DFFB: variants seen among roughly 807,000 people sequenced by gnomAD.
DFFB encodes DNA fragmentation factor 40 kDa subunit.
A neutral mutation model predicts 32.7 loss-of-function variants in DFFB; 29 were observed. The ratio of observed to expected loss-of-function variants is 0.89; its 90% CI spans 0.66 to 1.21. DFFB has a LOEUF of 1.21. Ranked by LOEUF, DFFB falls within the 50% of genes most tolerant of loss-of-function variation. The pLI is 0.00. For synonymous variants in DFFB, 170 were observed against 177.1 expected (o/e 0.96, Z 0.32); for missense variants, 398 against 440.6 (o/e 0.90, Z 0.87).
At position 3,883,571 on chromosome 1, in the gene DFFB, G is replaced by C. The variant is rs1208708098; in HGVS notation, c.847G>C (p.Glu283Gln). The change falls in exon 7 of 7, where the codon GAA becomes CAA. Residue 283 changes from glutamate (E) to glutamine (Q), a missense_variant. Coordinates refer to ENST00000378209, the MANE Select transcript of DFFB (RefSeq NM_004402.4). ...AGCAATTAAGGAACAAGATGGAAGA[G>C]AAGTGGACTGGGAGTATTTTTATGG... ...VEAIKEQDGREVDWEYFYGLL... is the reference protein window; with the variant it reads ...VEAIKEQDGRQVDWEYFYGLL... The C allele has an allele frequency of 1.2e-6, 2 of 1,614,234 alleles. No individual in the cohort carries two copies. The highest frequency in any genetic ancestry group is 1.7e-6 in the Non-Finnish European group (2 of 1,180,046).
Position 3,865,782 on chromosome 1 carries a change from G to A in DFFB, c.242-30G>A, listed in dbSNP as rs748922534. 9.9e-6 allele frequency: 16 copies of A among 1,613,930 alleles called. No individual in the cohort carries two copies. Among genetic ancestry groups the A allele is most frequent in the African/African-American group, 2.7e-5 (2 of 74,886 alleles). On this transcript the variant is annotated intron_variant, in intron 2 of 6. Transcript: ENST00000378209. This position sits in a 1 kb window ranked among gnomAD's most constrained non-coding sequence, Gnocchi z 4.7. The stretch of plus-strand genomic sequence containing the variant: ...GGCAGGATGTGTCTTCTGCTGGACC[G>A]GCACCTTTTGTTTGTCCCATTGGTG...
At chr1:3,857,742 G>A (rs1479094564) in intron 1 of DFFB, 25 bp downstream of exon 1, 8 of 1,436,092 alleles carry the variant, frequency 5.6e-6, no homozygotes, top group Non-Finnish European at 7.4e-6. Context: ...AGGCGGGGAC[G>A]GCCCGTCGGG....
At position 3,869,773 on chromosome 1, in the gene DFFB, C is replaced by G. The variant is rs753157909; in HGVS notation, c.679C>G (p.Gln227Glu). Residue 227 changes from glutamine to glutamate, a missense_variant and splice_region_variant, in exon 5 of 7, where the codon CAG becomes GAG. Physicochemically the swap from Gln to Glu is conservative, Grantham distance 29. Transcript: ENST00000378209. ...LCTPEGWFSC[Q>E]GPFDMDSCLS... Reference sequence around the variant, plus strand: ...CACACCGGAAGGCTGGTTCTCCTGCCAGGTGAGCTGTGTGCCCTTTATCCT... The same window carrying G: ...CACACCGGAAGGCTGGTTCTCCTGCGAGGTGAGCTGTGTGCCCTTTATCCT... The G allele has an allele frequency of 6.2e-7, 1 of 1,602,148 alleles. No individual in the cohort carries two copies. Among genetic ancestry groups the G allele is most frequent in the Non-Finnish European group, 8.5e-7 (1 of 1,172,180 alleles).
At chr1:3,870,599 C>G (rs542672153) in intron 5 of DFFB, among the ~76,000 whole-genome samples, 1 of 152,338 alleles carries the variant, frequency 6.6e-6, no homozygotes, top group South Asian at 2.1e-4. Context: ...AATGAAAAAT[C>G]CTTCATCCCT....
chr1:3,868,591 TACACCATACCACACCATACCAGACC>T (rs1645031356), intron 4 of DFFB, among the ~76,000 whole-genome samples: 1 of 1,424 alleles, frequency 7.0e-4, no homozygotes, highest in Non-Finnish European at 1.1e-3. Context: ...CATGCCACGC[TACACCATACCACACCATACCAGACC>T]ACACCACACC....
At chr1:3,871,276 A>AT (rs1645107525) in intron 5 of DFFB, among the ~76,000 whole-genome samples, 1 of 150,600 alleles carries the variant, frequency 6.6e-6, no homozygotes, top group Non-Finnish European at 1.5e-5. Context: ...TCTGATTCCA[A>AT]AGGCAGAGCT....
At chr1:3,871,399 G>A (rs1452450605) in intron 5 of DFFB, among the ~76,000 whole-genome samples, 3 of 152,138 alleles carry the variant, frequency 2.0e-5, no homozygotes, top group Non-Finnish European at 2.9e-5. Context: ...TGATTCTCCT[G>A]CCTCAGCCTC....
chr1:3,876,078 C>T (rs941672280), intron 6 of DFFB, among the ~76,000 whole-genome samples: 3 of 152,116 alleles, frequency 2.0e-5, no homozygotes, highest in South Asian at 2.1e-4. Context: ...GTGCCTGGCC[C>T]ACAACAAGTT....
At chr1:3,873,420 T>G (rs1247603544) in intron 6 of DFFB, among the ~76,000 whole-genome samples, 2 of 151,986 alleles carry the variant, frequency 1.3e-5, no homozygotes, top group East Asian at 3.9e-4. Context: ...ATTCAAAACG[T>G]TTTGCGACCA....
chr1:3,858,657 C>A, intron 1 of DFFB, 61 bp from the exon 2 acceptor site: 1 of 1,576,722 alleles, frequency 6.3e-7, no homozygotes, highest in Non-Finnish European at 8.6e-7. Context: ...GTGAGGCCTG[C>A]AGATGCAAAG....
At chr1:3,870,868 G>T (rs928167725) in intron 5 of DFFB, among the ~76,000 whole-genome samples, 3 of 152,200 alleles carry the variant, frequency 2.0e-5, no homozygotes, top group Non-Finnish European at 4.4e-5. Context: ...AGTCCCCAGG[G>T]TGATGGGGGC....
chr1:3,869,800 GGGCCACCCGGCTGGCCTGTGGAACACA>G (rs1235552720), intron 5 of DFFB, 25 bp downstream of exon 5: 1 of 1,571,332 alleles, frequency 6.4e-7, no homozygotes, highest in South Asian at 1.1e-5. Flanking sequence ...CTTTATCCTG[GGGCCACCCGGCTGGCCTGTGGAACACA>G]GCCCGCCTGG....
rs1638268694 is a variant in DFFB, at chr1:3,883,935, TTTG to T, written c.*197_*199del. The T allele has an allele frequency of 1.2e-5, 7 of 596,914 alleles. No homozygotes were observed. In the East Asian group the frequency reaches 2.0e-4, roughly 17 times the overall value. 37.0% of individuals were successfully genotyped at this position (596,914 alleles called of 1,614,324 possible). ...GTTGGGGTTTTTTTTGTTGTTTTGTTTTGTTTTGTAGATGGAGTTTCACTTTTG... is the reference window on the plus strand; with the variant it reads ...GTTGGGGTTTTTTTTGTTGTTTTGTTTTTTGTAGATGGAGTTTCACTTTTG... On this transcript the variant is annotated 3_prime_UTR_variant, in exon 7 of 7. Coordinates refer to ENST00000378209, the MANE Select transcript of DFFB (RefSeq NM_004402.4).
At chr1:3,880,033 A>C (rs1489162290) in intron 6 of DFFB, among the ~76,000 whole-genome samples, 1 of 152,150 alleles carries the variant, frequency 6.6e-6, no homozygotes, top group Non-Finnish European at 1.5e-5. Flanking sequence ...GCCTGGTAGG[A>C]GTGTCTTTGT....
intron 4 of DFFB, 99 bp from the exon 5 acceptor site, chr1:3,869,506 G>C: frequency 7.8e-7 from 1 of 1,285,220 alleles, no homozygotes. Flanking sequence ...CTGGGCTTGG[G>C]CAGGGTCTCA....
chr1:3,864,475 C>T (rs964938251), intron 2 of DFFB, among the ~76,000 whole-genome samples: 2 of 152,102 alleles, frequency 1.3e-5, no homozygotes, highest in African/African-American at 4.8e-5. Flanking sequence ...GGTGATGTCT[C>T]GTTGTGCCCT....
chr1:3,869,874 C>G, intron 5 of DFFB, 99 bp downstream of exon 5: 2 of 1,291,118 alleles, frequency 1.5e-6, no homozygotes, highest in East Asian at 2.5e-5. Context: ...CTTGCCCTGC[C>G]TGGGCAAAGC....
chr1:3,880,226 G>A (rs572256949), intron 6 of DFFB, among the ~76,000 whole-genome samples: 237 of 152,274 alleles, frequency 1.6e-3, no homozygotes, highest in African/African-American at 5.5e-3. Context: ...TGGCAGTGTC[G>A]TCACAGAGGG....
chr1:3,858,998 A>G, intron 2 of DFFB, 154 bp downstream of exon 2: 1 of 1,109,320 alleles, frequency 9.0e-7, no homozygotes, highest in East Asian at 2.7e-5. Flanking sequence ...AGAACTGGTC[A>G]GCGTCGCTTA....
Sources: allele counts gnomAD v4.1 joint callset (sites outside exome capture counted in the v4.1 genomes callset), GRCh38; gene constraint gnomAD v4.1.1; non-coding constraint Gnocchi (gnomAD v3.1); transcripts MANE v1.5; gene names NCBI Gene and HGNC (gene_info 2026-07-23, HGNC 2026-07-21).